Variants in AGL observed in about 807,000 individuals in gnomAD.
AGL encodes the protein glycogen debranching enzyme.
Under a neutral mutation model 199.3 loss-of-function variants are expected in AGL, and 128 were observed. That is an observed-to-expected ratio of 0.64 (90% CI 0.56 to 0.74). AGL has a LOEUF of 0.74. Among genes scored for constraint, AGL ranks in the 30% least tolerant of loss-of-function variants. AGL has a pLI of 0.00. For synonymous variants in AGL, 584 were observed against 594.7 expected, an observed-to-expected ratio of 0.98 and a Z score of 0.26; for missense variants, 1,809 against 1,820.8, an observed-to-expected ratio of 0.99 and a Z score of 0.12.
At chr1:99,885,217 A>T (rs1014188001) in intron 20 of AGL, among the ~76,000 whole-genome samples, 1 of 152,204 alleles carries the variant, frequency 6.6e-6, no homozygotes, top group Non-Finnish European at 1.5e-5. Context: ...ACAGAAGAAT[A>T]TAGGTTTTGA....
At position 99,851,048 on chromosome 1, in the gene AGL, A is replaced by G; in HGVS notation, c.6A>G (p.Gly2=). The change falls in exon 2 of 34, where the codon GGA becomes GGG. Residue 2 remains glycine (G), a synonymous_variant. Transcript: ENST00000361915. ...CAAATCCTCTAGAAGCCAAAATGGG[A>G]CACAGTAAACAGATTCGAATTTTAC... M[G]HSKQIRILLL... is the part of the protein sequence containing the mutation. 5.0e-6 allele frequency: 8 copies of G among 1,613,808 alleles called. No homozygotes were observed. The highest frequency in any genetic ancestry group is 6.8e-6 in the Non-Finnish European group (8 of 1,179,716).
chr1:99,904,877 T>C (rs1437015448), intron 27 of AGL, among the ~76,000 whole-genome samples: 1 of 152,206 alleles, frequency 6.6e-6, no homozygotes, highest in African/African-American at 2.4e-5. Flanking sequence ...CATTCATCCA[T>C]TGAAGGACAT....
At chr1:99,880,475 C>T (rs1213441462) in intron 13 of AGL, among the ~76,000 whole-genome samples, 157 bp from the exon 14 acceptor site, 1 of 152,184 alleles carries the variant, frequency 6.6e-6, no homozygotes, top group Non-Finnish European at 1.5e-5. Context: ...TTTTTTGTCA[C>T]TTAAACTAGT....
intron 20 of AGL, among the ~76,000 whole-genome samples, chr1:99,886,595 A>C (rs1652472864): frequency 6.6e-6 from 1 of 152,236 alleles, no homozygotes; most frequent in African/African-American, 2.4e-5. Context: ...GTGATTGATA[A>C]GTGTTAGCTG....
chr1:99,919,188 C>T (rs1655344959), intron 33 of AGL, among the ~76,000 whole-genome samples: 1 of 152,220 alleles, frequency 6.6e-6, no homozygotes, highest in African/African-American at 2.4e-5. Context: ...TTCCCCCTCT[C>T]TGTGCCAAAT....
chr1:99,873,162 A>G (rs1172658786), intron 7 of AGL, among the ~76,000 whole-genome samples: 2 of 152,034 alleles, frequency 1.3e-5, no homozygotes, highest in African/African-American at 4.8e-5. Flanking sequence ...TGAATATTTA[A>G]TATACCTGAA....
intron 33 of AGL, 109 bp downstream of exon 33, chr1:99,916,840 C>A: frequency 1.7e-6 from 2 of 1,189,610 alleles, no homozygotes; most frequent in East Asian, 2.4e-5. Flanking sequence ...CTAGGTATCC[C>A]AATGAAAAGT....
intron 12 of AGL, among the ~76,000 whole-genome samples, chr1:99,879,074 T>C (rs1041026379): frequency 1.3e-5 from 2 of 152,160 alleles, no homozygotes; most frequent in Non-Finnish European, 2.9e-5. Flanking sequence ...AATAAACAGC[T>C]AGATAGATAG....
intron 7 of AGL, among the ~76,000 whole-genome samples, chr1:99,872,178 TTTCA>T (rs961858395): frequency 2.0e-5 from 3 of 152,184 alleles, no homozygotes; most frequent in Admixed American, 6.5e-5. Context: ...TTTTTTCATT[TTTCA>T]TTCATTCATT....
intron 30 of AGL, among the ~76,000 whole-genome samples, chr1:99,914,686 TTC>T (rs1479706787): frequency 1.3e-5 from 2 of 152,178 alleles, no homozygotes; most frequent in African/African-American, 2.4e-5. Flanking sequence ...GGAGTAAAAG[TTC>T]TGTGTTTATT....
intron 27 of AGL, among the ~76,000 whole-genome samples, chr1:99,908,049 C>T (rs537766395): frequency 2.1e-4 from 32 of 152,182 alleles, no homozygotes; most frequent in African/African-American, 7.7e-4. Context: ...ACTTTTGTTA[C>T]CTGTGCCTAT....
At chr1:99,893,494 A>C (rs1340752116) in intron 24 of AGL, among the ~76,000 whole-genome samples, 2 of 152,220 alleles carry the variant, frequency 1.3e-5, no homozygotes. Flanking sequence ...TGCTCATGAA[A>C]CTGACCTTAG....
At chr1:99,875,831 T>C (rs1651476952) in intron 10 of AGL, among the ~76,000 whole-genome samples, 1 of 109,642 alleles carries the variant, frequency 9.1e-6, no homozygotes, top group Non-Finnish European at 2.1e-5. Flanking sequence ...TTAGAGTCTT[T>C]TTTAAAAATA....
At chr1:99,880,945 C>A in intron 14 of AGL, 131 bp from the exon 15 acceptor site, 2 of 1,272,562 alleles carry the variant, frequency 1.6e-6, no homozygotes, top group Non-Finnish European at 2.2e-6. Flanking sequence ...GAATGTTTTA[C>A]TTGTTTAAAA....
At chr1:99,902,263 C>A (rs1653900672) in intron 26 of AGL, among the ~76,000 whole-genome samples, 2 of 152,066 alleles carry the variant, frequency 1.3e-5, no homozygotes, top group Non-Finnish European at 1.5e-5. Context: ...CATTATGGAT[C>A]CTCAAATTTG....
intron 27 of AGL, 44 bp downstream of exon 27, chr1:99,902,838 G>T: frequency 7.0e-7 from 1 of 1,423,210 alleles, no homozygotes; most frequent in South Asian, 1.2e-5. Context: ...TCAAGGTGAT[G>T]AAATTAAACC....
At chr1:99,852,764 A>G (rs1435281219) in intron 2 of AGL, 2 of 778,228 alleles carry the variant, frequency 2.6e-6, no homozygotes, top group Non-Finnish European at 4.8e-6. Flanking sequence ...CTCAAAATTA[A>G]TAATACATGA....
intron 24 of AGL, among the ~76,000 whole-genome samples, chr1:99,894,071 C>T (rs1653117927): frequency 6.6e-6 from 1 of 151,850 alleles, no homozygotes; most frequent in African/African-American, 2.4e-5. Context: ...ACCTGTAGTC[C>T]TAGCTACTCA....
intron 5 of AGL, among the ~76,000 whole-genome samples, chr1:99,866,800 T>TCTTCTTTATTTA: frequency 6.6e-6 from 1 of 151,018 alleles, no homozygotes; most frequent in African/African-American, 2.4e-5. Flanking sequence ...ACAAGTTTTC[T>TCTTCTTTATTTA]TTTATTTATT....
Sources: allele counts gnomAD v4.1 joint callset (sites outside exome capture counted in the v4.1 genomes callset), GRCh38; gene constraint gnomAD v4.1.1; transcripts MANE v1.5; gene names NCBI Gene and HGNC (gene_info 2026-07-23, HGNC 2026-07-21).